The following TSPEAR variants were observed in gnomAD, a reference collection of about 807,000 sequenced individuals.
TSPEAR encodes the protein thrombospondin-type laminin G domain and EAR repeat-containing protein.
Under a neutral mutation model 71.6 loss-of-function variants are expected in TSPEAR, and 69 were observed. The ratio of observed to expected loss-of-function variants is 0.96; its 90% confidence interval spans 0.79 to 1.18. The LOEUF (loss-of-function observed/expected upper bound fraction) is 1.18. Ranked by LOEUF, TSPEAR falls within the 50% of genes most tolerant of loss-of-function variation. The probability of loss-of-function intolerance (pLI) is 0.00; values close to 1 mark genes in which losing one functional copy is unlikely to be tolerated. For synonymous variants in TSPEAR, 402 were observed against 387.2 expected (o/e 1.04, Z -0.45); for missense variants, 971 against 894.9 (o/e 1.09, Z -1.09).
chr21:44,644,025 G>A (rs587725850), intron 1 of TSPEAR, among the ~76,000 whole-genome samples: 17 of 152,330 alleles, frequency 1.1e-4, no homozygotes, highest in African/African-American at 3.4e-4. Flanking sequence ...AGACCTGGCC[G>A]TGGGCCACCC....
chr21:44,510,439 T>C (rs782285295), intron 9 of TSPEAR, among the ~76,000 whole-genome samples: 1 of 152,198 alleles, frequency 6.6e-6, no homozygotes, highest in Non-Finnish European at 1.5e-5. Context: ...GGACGTTTTC[T>C]ATTTGCCCAA....
chr21:44,578,112 A>G (rs587760444), intron 1 of TSPEAR, among the ~76,000 whole-genome samples: 1 of 152,358 alleles, frequency 6.6e-6, no homozygotes, highest in South Asian at 2.1e-4. Context: ...CTGTGAGTCC[A>G]TTAAACCTCT....
chr21:44,524,127 TC>T (rs1555914641), intron 8 of TSPEAR, among the ~76,000 whole-genome samples: 21 of 151,594 alleles, frequency 1.4e-4, no homozygotes, highest in African/African-American at 5.1e-4. Context: ...AGATAGTCAG[TC>T]AGTCAGTGAG....
chr21:44,576,597 A>G (rs782628801), intron 1 of TSPEAR, among the ~76,000 whole-genome samples: 6 of 152,228 alleles, frequency 3.9e-5, no homozygotes, highest in Non-Finnish European at 8.8e-5. Flanking sequence ...GGAAGCAGAG[A>G]GTTAAAAATA....
chr21:44,625,143 G>C (rs904781017), intron 1 of TSPEAR, among the ~76,000 whole-genome samples: 3 of 152,166 alleles, frequency 2.0e-5, no homozygotes, highest in South Asian at 2.1e-4. Context: ...TTTTATGAAG[G>C]ATCTTCCCTA....
At position 44,605,655 on chromosome 21, in the gene TSPEAR, G is replaced by T. The variant is rs180903186; in HGVS notation, c.83-37650C>A. ...ATCCCAGAAACAAACCCAAGTGTTT[G>T]TTGTCAATTTATTTCTGACAAAGGT... On this transcript the variant is annotated intron_variant, in intron 1 of 11. Transcript: ENST00000323084. Among the ~76,000 whole-genome samples, 25 of 152,302 alleles carry T rather than the reference G, an allele frequency of 1.6e-4. No homozygotes were observed. The East Asian group carries it at 4.0e-3, about 25-fold the overall frequency.
At chr21:44,676,074 G>T in intron 1 of TSPEAR, 2 of 878,610 alleles carry the variant, frequency 2.3e-6, no homozygotes, top group Non-Finnish European at 2.0e-6. Context: ...GCATATGACA[G>T]TAATTTAAAC....
chr21:44,635,145 G>T (rs1983470673), intron 1 of TSPEAR, among the ~76,000 whole-genome samples: 1 of 152,062 alleles, frequency 6.6e-6, no homozygotes, highest in Non-Finnish European at 1.5e-5. Context: ...AGGAGTTCAA[G>T]ACCAGCCTGG....
At chr21:44,523,385 GGTCA>G (rs1313861054) in intron 8 of TSPEAR, among the ~76,000 whole-genome samples, 3 of 150,764 alleles carry the variant, frequency 2.0e-5, no homozygotes, top group Non-Finnish European at 4.4e-5. Context: ...GTAGTCAGTT[GGTCA>G]GTCAGTTAGG....
chr21:44,523,302 TCAG>T (rs2052774171), intron 8 of TSPEAR, among the ~76,000 whole-genome samples: 1 of 151,002 alleles, frequency 6.6e-6, no homozygotes, highest in African/African-American at 2.5e-5. Flanking sequence ...AGTCAGTCAG[TCAG>T]TTTGTCAGTC....
chr21:44,505,148 G>A (rs1015964942), intron 10 of TSPEAR, among the ~76,000 whole-genome samples: 1 of 151,940 alleles, frequency 6.6e-6, no homozygotes. Context: ...GCGAGATCTC[G>A]GCTCACGGCA....
intron 1 of TSPEAR, among the ~76,000 whole-genome samples, chr21:44,675,524 T>C (rs868934557): frequency 4.3e-5 from 3 of 70,484 alleles, no homozygotes; most frequent in African/African-American, 1.8e-4. Flanking sequence ...GAGACAAGGA[T>C]GCATTTTTTT....
intron 1 of TSPEAR, among the ~76,000 whole-genome samples, chr21:44,590,169 G>A (rs754336964): frequency 7.2e-5 from 11 of 152,386 alleles, no homozygotes; most frequent in Non-Finnish European, 1.2e-4. Flanking sequence ...CGCCTCTGGC[G>A]TTGACATGCA....
intron 1 of TSPEAR, chr21:44,638,349 C>T: frequency 2.7e-6 from 1 of 372,392 alleles, no homozygotes; most frequent in South Asian, 4.3e-5. Flanking sequence ...GGGACCCCAG[C>T]TACTCCCCCA....
At chr21:44,563,649 G>C (rs2053668119) in intron 2 of TSPEAR, among the ~76,000 whole-genome samples, 1 of 152,028 alleles carries the variant, frequency 6.6e-6, no homozygotes, top group Non-Finnish European at 1.5e-5. Flanking sequence ...AAGTAAACTA[G>C]TAGACATAAA....
intron 1 of TSPEAR, among the ~76,000 whole-genome samples, chr21:44,614,480 G>A (rs1437758165): frequency 6.6e-6 from 1 of 152,234 alleles, no homozygotes; most frequent in Non-Finnish European, 1.5e-5. Context: ...ACCAATCCCA[G>A]GGCCCAGGCG....
At chr21:44,513,630 C>T (rs991068750) in intron 9 of TSPEAR, among the ~76,000 whole-genome samples, 2 of 152,302 alleles carry the variant, frequency 1.3e-5, no homozygotes, top group Admixed American at 1.3e-4. Context: ...GCCAGGAGCA[C>T]CTGGAGCCCC....
intron 1 of TSPEAR, chr21:44,686,612 C>CGTGTGG (rs1361677824): frequency 6.5e-6 from 1 of 153,034 alleles, no homozygotes; most frequent in African/African-American, 2.4e-5. Context: ...GGCCTGCAGA[C>CGTGTGG]CTGTGACCTG....
At chr21:44,635,382 C>T (rs1983495016) in intron 1 of TSPEAR, among the ~76,000 whole-genome samples, 1 of 148,604 alleles carries the variant, frequency 6.7e-6, no homozygotes, top group African/African-American at 2.5e-5. Context: ...TTTATAGAAG[C>T]ACTATTCACA....
Sources: gnomAD v4.1 joint callset for allele counts (sites outside exome capture counted in the v4.1 genomes callset) on GRCh38, gnomAD v4.1.1 for gene constraint, MANE v1.5 for transcripts, NCBI Gene and HGNC (gene_info 2026-07-23, HGNC 2026-07-21) for gene names.